Variants in SATB1 observed in about 807,000 individuals in gnomAD.
The protein encoded by SATB1 is DNA-binding protein SATB1.
Under a neutral mutation model 86.9 loss-of-function variants are expected in SATB1, and 11 were observed. The ratio of observed to expected loss-of-function variants is 0.13; its 90% CI spans 0.08 to 0.21. The LOEUF (loss-of-function observed/expected upper bound fraction) is 0.21, where lower values mean the gene tolerates loss of function less well. SATB1 is among the 10% of genes least tolerant of loss of function. The pLI is 1.00. For synonymous variants in SATB1, 357 were observed against 357.2 expected, an observed-to-expected ratio of 1.00 and a Z score of 0.01; for missense variants, 551 against 937.6, an observed-to-expected ratio of 0.59 and a Z score of 5.39.
upstream of SATB1, among the ~76,000 whole-genome samples, chr3:18,428,798 T>A (rs113443495): frequency 1.8e-3 from 270 of 152,352 alleles, 1 homozygote; most frequent in African/African-American, 6.3e-3. Context: ...TACTGCATGT[T>A]TCAGATGGCA....
At chr3:18,425,815 GA>G (rs1354593358), upstream of SATB1, among the ~76,000 whole-genome samples, 2 of 146,254 alleles carry the variant, frequency 1.4e-5, no homozygotes, top group African/African-American at 2.5e-5. Context: ...GTGTGAGTGG[GA>G]GGGAGGAGGG....
Position 18,394,568 on chromosome 3 carries a change from G to A in SATB1, c.1100C>T (p.Thr367Ile). 3 of 1,614,132 alleles carry A rather than the reference G, an allele frequency of 1.9e-6. No individual in the cohort carries two copies. Among genetic ancestry groups the A allele is most frequent in the Non-Finnish European group, 2.5e-6 (3 of 1,180,006 alleles). Reference protein sequence around the residue: ...MNKPLEQQVSTNTEVSSEIYQ... With the variant: ...MNKPLEQQVSINTEVSSEIYQ... Reference sequence around the variant, plus strand: ...GATTTCGGAAGACACCTCTGTGTTGGTCGAAACCTGTTGCTCCAAAGGCTT... The same window carrying A: ...GATTTCGGAAGACACCTCTGTGTTGATCGAAACCTGTTGCTCCAAAGGCTT... The change falls in exon 7 of 11, where the codon ACC becomes ATC. Residue 367 changes from threonine (T) to isoleucine (I), a missense_variant. Coordinates refer to ENST00000338745, the MANE Select transcript of SATB1 (RefSeq NM_002971.6). The surrounding 1 kb of genome is among the most constrained non-coding windows in gnomAD (Gnocchi z 5.9).
At chr3:18,420,508 T>C (rs1383031096) in intron 2 of SATB1, among the ~76,000 whole-genome samples, 1 of 152,184 alleles carries the variant, frequency 6.6e-6, no homozygotes, top group African/African-American at 2.4e-5. Context: ...ACCATTATAT[T>C]TAATTCAGTC....
intron 7 of SATB1, among the ~76,000 whole-genome samples, chr3:18,389,647 A>G (rs1476242619): frequency 6.6e-6 from 1 of 152,134 alleles, no homozygotes; most frequent in Non-Finnish European, 1.5e-5. Flanking sequence ...AAATAGTATG[A>G]AAAGGCCATC....
intron 7 of SATB1, among the ~76,000 whole-genome samples, chr3:18,391,687 A>C (rs1004816395): frequency 1.3e-5 from 2 of 152,030 alleles, no homozygotes; most frequent in Non-Finnish European, 2.9e-5. Context: ...CTAGGTGCAC[A>C]CAAATGTGTG....
intron 5 of SATB1, among the ~76,000 whole-genome samples, chr3:18,414,108 C>CAT (rs1698001238): frequency 1.3e-5 from 2 of 152,008 alleles, no homozygotes; most frequent in Admixed American, 1.3e-4. Flanking sequence ...GTTCAAATGG[C>CAT]TAAGACTAAT....
chr3:18,397,056 G>A (rs1696996817), intron 6 of SATB1, 123 bp downstream of exon 6: 5 of 645,512 alleles, frequency 7.7e-6, no homozygotes, highest in Non-Finnish European at 1.1e-5. Context: ...CACCCCCAAA[G>A]AAACATTCTA....
At chr3:18,359,296 G>A (rs1179035140) in intron 9 of SATB1, among the ~76,000 whole-genome samples, 1 of 151,828 alleles carries the variant, frequency 6.6e-6, no homozygotes, top group Non-Finnish European at 1.5e-5. Context: ...GATACAAATG[G>A]TTCTGACTTA....
At chr3:18,420,698 T>C in intron 2 of SATB1, 59 bp downstream of exon 2, 1 of 1,344,268 alleles carries the variant, frequency 7.4e-7, no homozygotes. Context: ...CCACACAGTG[T>C]GGCCTTGTGT....
In SATB1 at chr3:18,423,918, T is replaced by C. The variant is rs1295681687; in HGVS notation, c.-316A>G. ...AAATCACAATTCGAAAACCAACATA[T>C]AGGGGTTTGTAAAATGTCTAACCTC... On this transcript the variant is annotated 5_prime_UTR_variant, in exon 1 of 11. Transcript: ENST00000338745. 6.6e-6 allele frequency: 1 copy of C among 150,770 alleles called. No individual in the cohort carries two copies. Among genetic ancestry groups the C allele is most frequent in the Non-Finnish European group, 1.5e-5 (1 of 67,778 alleles). The allele number at this position is 150,770 out of a possible 1,614,324, so 9.3% of individuals were successfully genotyped here.
chr3:18,364,024 G>A (rs1175514841), intron 9 of SATB1, among the ~76,000 whole-genome samples: 3 of 152,142 alleles, frequency 2.0e-5, no homozygotes, highest in African/African-American at 4.8e-5. Flanking sequence ...ACATGCTTTG[G>A]AGTGAAGGAT....
upstream of SATB1, chr3:18,425,383 G>A (rs1698641658): frequency 6.5e-6 from 1 of 154,412 alleles, no homozygotes; most frequent in Non-Finnish European, 1.4e-5. Flanking sequence ...GGGGGGAGGA[G>A]AGGAGGAAGG....
chr3:18,378,065 G>C (rs1695853453), intron 9 of SATB1, 105 bp downstream of exon 9: 1 of 906,416 alleles, frequency 1.1e-6, no homozygotes, highest in Admixed American at 3.0e-5. Context: ...TAGACACAGA[G>C]GCCTCTCCGT....
rs1032773382 is a variant in SATB1, at chr3:18,345,987, A to C, written c.*3183T>G. On this transcript the variant is annotated 3_prime_UTR_variant, in exon 11 of 11. Transcript: ENST00000338745. ...AGCCAGTATTTTTAGATAAACACAG[A>C]TATAGATATCGCTACTTTGAAAAAA... The C allele has an allele frequency of 6.6e-6, 1 of 152,138 alleles. No homozygotes were observed. The highest frequency in any genetic ancestry group is 2.4e-5 in the African/African-American group (1 of 41,450). 9.4% of individuals were successfully genotyped at this position (152,138 alleles called of 1,614,324 possible). A position where few individuals can be genotyped will look rare whatever the true frequency, so the allele number is the denominator to read the frequency against.
rs1381327421 is a variant in SATB1, at chr3:18,352,397, T to C, written c.1576-202A>G. 1 of 546,990 alleles carries C rather than the reference T, an allele frequency of 1.8e-6. No individual in the cohort carries two copies. Among genetic ancestry groups the C allele is most frequent in the South Asian group, 2.4e-5 (1 of 42,236 alleles). The allele number at this position is 546,990 out of a possible 1,614,324, so 33.9% of individuals were successfully genotyped here. On this transcript the variant is annotated intron_variant, in intron 9 of 10. Transcript: ENST00000338745. The surrounding 1 kb of genome is among the most constrained non-coding windows in gnomAD (Gnocchi z 4.1). ...AGGCAGACTCTGTTTCTAATCAAAG[T>C]TCAGATTTGCATCTCAAAGGAGGGA...
rs1694042170 is a variant in SATB1 at position 18,346,107 on chromosome 3, A to G, written c.*3063T>C. The G allele has an allele frequency of 6.6e-6, 1 of 152,144 alleles. No homozygotes were observed. The highest frequency in any genetic ancestry group is 1.9e-4 in the East Asian group (1 of 5,200). 9.4% of individuals were successfully genotyped at this position (152,144 alleles called of 1,614,324 possible). On this transcript the variant is annotated 3_prime_UTR_variant, in exon 11 of 11. Transcript: ENST00000338745. ...TACAGACTTTGTTACCAAGCGCCACACAACTAGGACATACATATTAGTTAC... is the reference window on the plus strand; with the variant it reads ...TACAGACTTTGTTACCAAGCGCCACGCAACTAGGACATACATATTAGTTAC...
At chr3:18,417,442 T>G (rs1306379786) in intron 2 of SATB1, 2 of 586,138 alleles carry the variant, frequency 3.4e-6, no homozygotes, top group Non-Finnish European at 6.0e-6. Flanking sequence ...GTATACAGTA[T>G]GCAAACATAA....
chr3:18,375,363 G>A (rs1168881759), intron 9 of SATB1, among the ~76,000 whole-genome samples: 1 of 152,028 alleles, frequency 6.6e-6, no homozygotes, highest in Admixed American at 6.6e-5. Context: ...TGCATGATAG[G>A]GTCTAGCACA....
At chr3:18,376,631 T>G (rs1193895466) in intron 9 of SATB1, among the ~76,000 whole-genome samples, 8 of 152,116 alleles carry the variant, frequency 5.3e-5, no homozygotes, top group African/African-American at 1.9e-4. Flanking sequence ...AGTCTTGGCA[T>G]GTAAATGAAG....
Sources: gnomAD v4.1 joint callset for allele counts (sites outside exome capture counted in the v4.1 genomes callset) on GRCh38, gnomAD v4.1.1 for gene constraint, Gnocchi (gnomAD v3.1) non-coding constraint, MANE v1.5 for transcripts, NCBI Gene and HGNC (gene_info 2026-07-23, HGNC 2026-07-21) for gene names.